The following LARP1B variants were observed in gnomAD, a reference collection of about 807,000 sequenced individuals.
LARP1B encodes the protein la-related protein 1B.
In LARP1B, 76 loss-of-function variants were observed where a neutral mutation model predicts 114.2. The observed-to-expected ratio is 0.67, with a 90% CI of 0.55 to 0.81. The LOEUF (loss-of-function observed/expected upper bound fraction) is 0.81, where lower values mean the gene tolerates loss of function less well. Among genes scored for constraint, LARP1B ranks in the 30% least tolerant of loss-of-function variants. The pLI is 0.00. For synonymous variants in LARP1B, 345 were observed against 348.0 expected (o/e 0.99, Z 0.10); for missense variants, 1,014 against 1,075.8 (o/e 0.94, Z 0.80).
At chr4:128,144,389 C>T (rs1177669029) in intron 11 of LARP1B, among the ~76,000 whole-genome samples, 1 of 152,170 alleles carries the variant, frequency 6.6e-6, no homozygotes, top group African/African-American at 2.4e-5. Context: ...AATTTGGGCA[C>T]ATTTCAGTCA....
rs542829048 is a variant in LARP1B, at chr4:128,211,980, A to G, written c.*1927A>G. 1 of 179,378 alleles carries G rather than the reference A, an allele frequency of 5.6e-6. No homozygotes were observed. Among genetic ancestry groups the G allele is most frequent in the Admixed American group, 6.5e-5 (1 of 15,320 alleles). The allele number at this position is 179,378 out of a possible 1,614,324, so 11.1% of individuals were successfully genotyped here. A position where few individuals can be genotyped will look rare whatever the true frequency, so the allele number is the denominator to read the frequency against. On this transcript the variant is annotated 3_prime_UTR_variant, in exon 20 of 20. Coordinates refer to ENST00000326639, the MANE Select transcript of LARP1B (RefSeq NM_018078.4). ...AAAGTACTTGTTATAAAAAGAAGAA[A>G]AACCAAAATTGGTGTCAGGCTATAT...
intron 5 of LARP1B, among the ~76,000 whole-genome samples, chr4:128,083,332 T>C (rs1771421539): frequency 6.6e-6 from 1 of 152,002 alleles, no homozygotes; most frequent in Non-Finnish European, 1.5e-5. Flanking sequence ...AGCTGTTGGG[T>C]ACACCTCCCA....
At position 128,126,435 on chromosome 4, in the gene LARP1B, T is replaced by C. The variant is rs543780868; in HGVS notation, c.1524+4247T>C. ...ACCATGCCTGGCCCCTTAAAATAATTTAGATAGTCAGATTATTAAACAAAA... is the reference window on the plus strand; with the variant it reads ...ACCATGCCTGGCCCCTTAAAATAATCTAGATAGTCAGATTATTAAACAAAA... On this transcript the variant is annotated intron_variant, in intron 11 of 19. Coordinates refer to ENST00000326639, the MANE Select transcript of LARP1B (RefSeq NM_018078.4). Among the ~76,000 whole-genome samples the C allele has an allele frequency of 4.4e-4, 67 of 152,238 alleles. 1 individual carries two copies. The highest frequency in any genetic ancestry group is 3.6e-3 in the Admixed American group (55 of 15,268).
intron 11 of LARP1B, among the ~76,000 whole-genome samples, chr4:128,136,226 G>A (rs1561364259): frequency 6.6e-6 from 1 of 151,998 alleles, no homozygotes; most frequent in South Asian, 2.1e-4. Flanking sequence ...CCAGGAAGTG[G>A]AGGTGGCAGT....
intron 5 of LARP1B, among the ~76,000 whole-genome samples, chr4:128,088,506 G>A (rs1448353751): frequency 1.3e-5 from 2 of 151,968 alleles, no homozygotes; most frequent in Admixed American, 6.6e-5. Context: ...GATAAAATCT[G>A]TACTAACGGT....
chr4:128,171,405 TTA>T (rs1743653074), intron 12 of LARP1B, among the ~76,000 whole-genome samples: 1 of 152,196 alleles, frequency 6.6e-6, no homozygotes, highest in African/African-American at 2.4e-5. Context: ...AGTGCTGGGA[TTA>T]TAGGCATGAA....
At chr4:128,110,521 C>CA (rs1194615622) in intron 9 of LARP1B, among the ~76,000 whole-genome samples, 1 of 148,704 alleles carries the variant, frequency 6.7e-6, no homozygotes, top group African/African-American at 2.5e-5. Context: ...ACTAAAAATA[C>CA]AAAAAATTAG....
At chr4:128,161,435 T>C (rs1476431259) in intron 11 of LARP1B, among the ~76,000 whole-genome samples, 1 of 152,198 alleles carries the variant, frequency 6.6e-6, no homozygotes, top group Non-Finnish European at 1.5e-5. Flanking sequence ...TCAAATATAC[T>C]GAGTCTCTTT....
At chr4:128,151,182 C>T (rs1216091689) in intron 11 of LARP1B, among the ~76,000 whole-genome samples, 1 of 152,056 alleles carries the variant, frequency 6.6e-6, no homozygotes, top group Non-Finnish European at 1.5e-5. Context: ...CATATATATA[C>T]ATTTTTTCCT....
chr4:128,171,104 GAT>G (rs1491093356), intron 12 of LARP1B, among the ~76,000 whole-genome samples: 2 of 128,660 alleles, frequency 1.6e-5, no homozygotes, highest in Non-Finnish European at 3.4e-5. Context: ...CCTCCATAGA[GAT>G]TTTTTTTTTT....
chr4:128,122,442 T>G, intron 11 of LARP1B: 1 of 1,451,714 alleles, frequency 6.9e-7, no homozygotes, highest in Non-Finnish European at 9.0e-7. Context: ...ACCCTTGTTT[T>G]TTTTTTTTTT....
At chr4:128,061,613 C>A in intron 1 of LARP1B, 1 of 919,866 alleles carries the variant, frequency 1.1e-6, no homozygotes, top group Non-Finnish European at 1.3e-6. Flanking sequence ...TGGAGCCGGC[C>A]GGTGTCCCGG....
chr4:128,095,710 CT>C (rs1777677354), intron 7 of LARP1B, among the ~76,000 whole-genome samples: 1 of 151,114 alleles, frequency 6.6e-6, no homozygotes, highest in South Asian at 2.1e-4. Flanking sequence ...TTATAGATGC[CT>C]TTTTTTCAAA....
chr4:128,122,223 C>T (rs930745529), intron 11 of LARP1B, 35 bp downstream of exon 11: 2 of 1,603,746 alleles, frequency 1.2e-6, no homozygotes, highest in African/African-American at 2.7e-5. Context: ...TCTACTGATG[C>T]TTTGTTTTGA....
downstream of LARP1B, among the ~76,000 whole-genome samples, chr4:128,214,152 A>AG (rs1759340439): frequency 7.1e-6 from 1 of 139,932 alleles, no homozygotes; most frequent in African/African-American, 2.6e-5. Context: ...AGAGGGTCCT[A>AG]CGCCCACGGA....
intron 5 of LARP1B, among the ~76,000 whole-genome samples, chr4:128,086,114 C>G (rs930294115): frequency 6.7e-6 from 1 of 150,292 alleles, no homozygotes; most frequent in African/African-American, 2.5e-5. Context: ...CCCTGGTTCA[C>G]GCCATTCACC....
intron 17 of LARP1B, among the ~76,000 whole-genome samples, chr4:128,205,938 G>A (rs914569833): frequency 4.6e-5 from 7 of 152,142 alleles, no homozygotes; most frequent in Non-Finnish European, 7.3e-5. Context: ...ATGTGCTACG[G>A]CTGAGTCAAC....
intron 11 of LARP1B, among the ~76,000 whole-genome samples, chr4:128,152,626 T>C (rs948139046): frequency 1.3e-5 from 2 of 151,966 alleles, no homozygotes; most frequent in Non-Finnish European, 1.5e-5. Flanking sequence ...TGTCTGTTAG[T>C]ATTCTTCTAT....
chr4:128,090,482 CTG>C (rs1274701338), intron 5 of LARP1B, among the ~76,000 whole-genome samples: 1 of 152,102 alleles, frequency 6.6e-6, no homozygotes, highest in Non-Finnish European at 1.5e-5. Context: ...GTGGTTGTGT[CTG>C]TGTGTGTTGC....
Sources: gnomAD v4.1 joint callset for allele counts (sites outside exome capture counted in the v4.1 genomes callset) on GRCh38, gnomAD v4.1.1 for gene constraint, MANE v1.5 for transcripts, NCBI Gene and HGNC (gene_info 2026-07-23, HGNC 2026-07-21) for gene names.